The following CIAPIN1 variants were observed in gnomAD, a reference collection of about 807,000 sequenced individuals.
CIAPIN1 encodes the protein cytokine induced apoptosis inhibitor 1.
Under a neutral mutation model 34.3 loss-of-function variants are expected in CIAPIN1, and 18 were observed. The ratio of observed to expected loss-of-function variants is 0.52; its 90% CI spans 0.36 to 0.78. The LOEUF (loss-of-function observed/expected upper bound fraction) is 0.78, where lower values mean the gene tolerates loss of function less well. Among genes scored for constraint, CIAPIN1 ranks in the 30% least tolerant of loss-of-function variants. The probability of loss-of-function intolerance (pLI) is 0.00; values close to 1 mark genes in which losing one functional copy is unlikely to be tolerated. For synonymous variants in CIAPIN1, 131 were observed against 140.4 expected, an observed-to-expected ratio of 0.93 and a Z score of 0.47; for missense variants, 310 against 372.5, an observed-to-expected ratio of 0.83 and a Z score of 1.38.
At chr16:57,436,622 G>T (rs756105484) in intron 4 of CIAPIN1, 34 bp downstream of exon 4, 5 of 1,515,782 alleles carry the variant, frequency 3.3e-6, no homozygotes, top group Non-Finnish European at 3.7e-6. Context: ...TACCTCACCT[G>T]CAGGGCAGCA....
chr16:57,447,209 C>T lies in CIAPIN1; in HGVS notation c.-56+133G>A, dbSNP rs1394555889. 3 of 321,856 alleles carry T rather than the reference C, an allele frequency of 9.3e-6. No homozygotes were observed. In the Admixed American group the frequency reaches 1.5e-4, roughly 16 times the overall value. 19.9% of individuals were successfully genotyped at this position (321,856 alleles called of 1,614,324 possible). ...GGAATAAACCAGCCGGGGCTTTCAGCGGGGCGGCCGTGGCTGCGTTCCCAT... is the reference window on the plus strand; with the variant it reads ...GGAATAAACCAGCCGGGGCTTTCAGTGGGGCGGCCGTGGCTGCGTTCCCAT... On this transcript the variant is annotated intron_variant, in intron 1 of 8. Coordinates refer to ENST00000394391, the MANE Select transcript of CIAPIN1 (RefSeq NM_020313.4).
intron 3 of CIAPIN1, among the ~76,000 whole-genome samples, chr16:57,438,124 A>C (rs1903245072): frequency 6.6e-6 from 1 of 152,250 alleles, no homozygotes; most frequent in South Asian, 2.1e-4. Context: ...TACTACACAT[A>C]ACACAAAGTT....
intron 4 of CIAPIN1, 37 bp downstream of exon 4, chr16:57,436,619 C>A (rs1298686870): frequency 2.7e-6 from 4 of 1,487,262 alleles, no homozygotes; most frequent in Non-Finnish European, 3.8e-6. Context: ...GATTACCTCA[C>A]CTGCAGGGCA....
At chr16:57,432,872 C>T (rs997214784) in intron 5 of CIAPIN1, among the ~76,000 whole-genome samples, 3 of 152,196 alleles carry the variant, frequency 2.0e-5, no homozygotes, top group Admixed American at 6.5e-5. Context: ...CTACTTTTAC[C>T]GCTGAGGAAA....
At position 57,429,038 on chromosome 16, in the gene CIAPIN1, TCTG is replaced by T. The variant is rs1903018180; in HGVS notation, c.*129_*131del. The T allele has an allele frequency of 3.0e-6, 2 of 661,530 alleles. No individual in the cohort carries two copies. The highest frequency in any genetic ancestry group is 1.8e-5 in the African/African-American group (1 of 55,878). 41.0% of individuals were successfully genotyped at this position (661,530 alleles called of 1,614,324 possible). The stretch of plus-strand genomic sequence containing the variant: ...GTGCCCCCCAGCCAGCTTCACTCTG[TCTG>T]CTAAGCACCCACTCTGCAAACAGAT... On this transcript the variant is annotated 3_prime_UTR_variant, in exon 9 of 9. Transcript: ENST00000394391.
At chr16:57,440,650 G>T in intron 2 of CIAPIN1, 122 bp downstream of exon 2, 1 of 1,091,114 alleles carries the variant, frequency 9.2e-7, no homozygotes, top group Non-Finnish European at 1.3e-6. Context: ...ACAACAGGGT[G>T]ACCAGCCACC....
At chr16:57,440,023 G>C (rs1489798666) in intron 2 of CIAPIN1, among the ~76,000 whole-genome samples, 1 of 152,220 alleles carries the variant, frequency 6.6e-6, no homozygotes, top group African/African-American at 2.4e-5. Context: ...TTACAAAAGT[G>C]AATAGGAGAA....
chr16:57,441,122 A>G (rs1210975376), intron 1 of CIAPIN1, 139 bp from the exon 2 acceptor site: 9 of 442,936 alleles, frequency 2.0e-5, no homozygotes, highest in Non-Finnish European at 3.5e-5. Flanking sequence ...GTCTGAATAC[A>G]TGAACCCCAT....
At chr16:57,434,572 T>C (rs1264161153) in intron 4 of CIAPIN1, among the ~76,000 whole-genome samples, 8 of 152,054 alleles carry the variant, frequency 5.3e-5, no homozygotes, top group African/African-American at 1.9e-4. Flanking sequence ...GAAATTTATA[T>C]CCCAAAAGAA....
At chr16:57,430,531 A>T (rs1903064045) in intron 7 of CIAPIN1, 192 bp from the exon 8 acceptor site, 1 of 602,502 alleles carries the variant, frequency 1.7e-6, no homozygotes, top group South Asian at 1.9e-5. Flanking sequence ...GGATGAGGGA[A>T]GTACCGTGTG....
Position 57,430,242 on chromosome 16 carries a change from TG to T in CIAPIN1, c.828+15del. The T allele has an allele frequency of 6.2e-7, 1 of 1,610,790 alleles. No individual in the cohort carries two copies. Among genetic ancestry groups the T allele is most frequent in the Non-Finnish European group, 8.5e-7 (1 of 1,176,982 alleles). ...CTGGGGGTTTGTGAATGCTGAGGAATGATCCTGATATTTACGTTTCCACAAG... is the reference window on the plus strand; with the variant it reads ...CTGGGGGTTTGTGAATGCTGAGGAATATCCTGATATTTACGTTTCCACAAG... On this transcript the variant is annotated intron_variant, in intron 8 of 8. Transcript: ENST00000394391.
chr16:57,442,340 G>C (rs191742313), intron 1 of CIAPIN1, among the ~76,000 whole-genome samples: 1 of 151,982 alleles, frequency 6.6e-6, no homozygotes, highest in Non-Finnish European at 1.5e-5. Flanking sequence ...GCGAGACTCC[G>C]TCTCAAAATA....
chr16:57,439,402 C>A, intron 2 of CIAPIN1, 68 bp from the exon 3 acceptor site: 4 of 1,569,332 alleles, frequency 2.5e-6, no homozygotes, highest in Non-Finnish European at 3.5e-6. Flanking sequence ...CCTTCCAACC[C>A]CCAACAAAAG....
At position 57,428,233 on chromosome 16, in the gene CIAPIN1, CT is replaced by C. The variant is rs1902998097; in HGVS notation, c.*936del. The C allele has an allele frequency of 6.6e-6, 1 of 152,200 alleles. No individual in the cohort carries two copies. Among genetic ancestry groups the C allele is most frequent in the Non-Finnish European group, 1.5e-5 (1 of 68,040 alleles). 9.4% of individuals were successfully genotyped at this position (152,200 alleles called of 1,614,324 possible). ...ACTGGTAAAATATAAAAATCCAGGT[CT>C]CTTAAATCCACACAATCTCTCCAAA... On this transcript the variant is annotated 3_prime_UTR_variant, in exon 9 of 9. Transcript: ENST00000394391.
chr16:57,433,896 G>A, intron 5 of CIAPIN1, 148 bp downstream of exon 5: 3 of 719,018 alleles, frequency 4.2e-6, no homozygotes, highest in Admixed American at 2.3e-5. Context: ...CATGATAATA[G>A]TACATTAAGT....
In CIAPIN1 at chr16:57,440,739, A is replaced by G. The variant is rs781379390; in HGVS notation, c.157+33T>C. 5.1e-6 allele frequency: 8 copies of G among 1,583,080 alleles called. No homozygotes were observed. The South Asian group carries it at 9.1e-5, about 18-fold the overall frequency. On this transcript the variant is annotated intron_variant, in intron 2 of 8. Transcript: ENST00000394391. The stretch of plus-strand genomic sequence containing the variant: ...GCAACACTCCCATGGAAACCCCTCC[A>G]GCCTCATAAAGACAACGTGGGTGGG...
Position 57,431,138 on chromosome 16 carries a change from C to G in CIAPIN1, c.746+13G>C. ...GAGGCAGCATGGCAGGCTCCAGTCA[C>G]CCCAGCACTCACCAGTTCTTACAGG... On this transcript the variant is annotated intron_variant, in intron 7 of 8. Transcript: ENST00000394391. 1.3e-6 allele frequency: 2 copies of G among 1,561,568 alleles called. No individual in the cohort carries two copies. The highest frequency in any genetic ancestry group is 1.8e-6 in the Non-Finnish European group (2 of 1,133,684).
chr16:57,436,476 C>A (rs1903202583), intron 4 of CIAPIN1, among the ~76,000 whole-genome samples, 180 bp downstream of exon 4: 1 of 152,128 alleles, frequency 6.6e-6, no homozygotes, highest in Non-Finnish European at 1.5e-5. Flanking sequence ...GATCCACCCA[C>A]CTCGGCCTCC....
At chr16:57,438,185 T>C (rs2146565995) in intron 3 of CIAPIN1, among the ~76,000 whole-genome samples, 1 of 152,364 alleles carries the variant, frequency 6.6e-6, no homozygotes, top group African/African-American at 2.4e-5. Flanking sequence ...AATACTTTCA[T>C]TTCTATTATT....
Sources: allele counts gnomAD v4.1 joint callset (sites outside exome capture counted in the v4.1 genomes callset), GRCh38; gene constraint gnomAD v4.1.1; transcripts MANE v1.5; gene names NCBI Gene and HGNC (gene_info 2026-07-23, HGNC 2026-07-21).